BBS9: variants seen among roughly 807,000 people sequenced by gnomAD.
BBS9 encodes the protein Bardet-Biedl syndrome 9.
A neutral mutation model predicts 117.7 loss-of-function variants in BBS9; 89 were observed. The observed-to-expected ratio is 0.76, with a 90% CI of 0.64 to 0.90. The LOEUF (loss-of-function observed/expected upper bound fraction) is 0.90. Among genes scored for constraint, BBS9 ranks in the 40% least tolerant of loss-of-function variants. The pLI, the probability that BBS9 is intolerant of heterozygous loss-of-function variation, is 0.00. For synonymous variants in BBS9, 379 were observed against 370.9 expected (o/e 1.02, Z -0.25); for missense variants, 982 against 1,042.2 (o/e 0.94, Z 0.80).
At chr7:33,297,785 G>A (rs1164070264) in intron 9 of BBS9, among the ~76,000 whole-genome samples, 2 of 152,086 alleles carry the variant, frequency 1.3e-5, no homozygotes, top group African/African-American at 4.8e-5. Flanking sequence ...ATCATGAAAG[G>A]ATGCTTCTCT....
At chr7:33,505,833 T>C in intron 20 of BBS9, 188 bp downstream of exon 20, 1 of 635,248 alleles carries the variant, frequency 1.6e-6, no homozygotes, top group Non-Finnish European at 2.7e-6. Context: ...TGTAGAGCTA[T>C]TTTAAGAATA....
chr7:33,177,414 G>T (rs768926505), intron 4 of BBS9, 64 bp from the exon 5 acceptor site: 1 of 1,077,954 alleles, frequency 9.3e-7, no homozygotes, highest in South Asian at 1.3e-5. Context: ...AGTAGTGGAT[G>T]AGAACAAATT....
At chr7:33,529,223 A>T (rs986735305) in intron 20 of BBS9, among the ~76,000 whole-genome samples, 8 of 152,242 alleles carry the variant, frequency 5.3e-5, no homozygotes, top group Non-Finnish European at 1.2e-4. Context: ...GGCTGGTAAG[A>T]TGTGGAAACA....
chr7:33,331,869 C>A (rs764058953), intron 9 of BBS9, among the ~76,000 whole-genome samples: 18 of 152,060 alleles, frequency 1.2e-4, no homozygotes, highest in Non-Finnish European at 1.9e-4. Flanking sequence ...TGAAAATGAC[C>A]ATAATGCCCA....
chr7:33,497,396 A>G (rs1230266872), intron 19 of BBS9, among the ~76,000 whole-genome samples: 6 of 152,186 alleles, frequency 3.9e-5, no homozygotes, highest in African/African-American at 1.2e-4. Context: ...GGGACACCCA[A>G]TGTGTACCTC....
chr7:33,552,221 T>G (rs977533310), intron 21 of BBS9, among the ~76,000 whole-genome samples: 3 of 152,214 alleles, frequency 2.0e-5, no homozygotes, highest in Admixed American at 1.3e-4. Flanking sequence ...CACTATAATA[T>G]CTGATAGCAG....
intron 19 of BBS9, among the ~76,000 whole-genome samples, chr7:33,443,301 T>C (rs944919497): frequency 3.3e-5 from 5 of 152,168 alleles, no homozygotes; most frequent in African/African-American, 1.2e-4. Flanking sequence ...TGTCTGCTTG[T>C]TCATAAAGAG....
At chr7:33,609,537 T>A (rs372742076), downstream of BBS9, among the ~76,000 whole-genome samples, 2 of 152,268 alleles carry the variant, frequency 1.3e-5, no homozygotes, top group East Asian at 3.9e-4. Context: ...TATGATGAGT[T>A]TGTAATTGTA....
chr7:33,597,069 T>TCACACACACACA (rs58511454), intron 21 of BBS9, among the ~76,000 whole-genome samples: 51 of 138,938 alleles, frequency 3.7e-4, no homozygotes, highest in Non-Finnish European at 7.9e-5. Context: ...TCTCTCTCTG[T>TCACACACACACA]CACACACACA....
intron 20 of BBS9, among the ~76,000 whole-genome samples, chr7:33,516,229 A>G (rs6970957): frequency 0.68 from 103,114 of 151,932 alleles, 37,150 homozygotes; most frequent in East Asian, 0.99. Context: ...GGTGGCTCAC[A>G]CCTGTAATCC....
chr7:33,423,489 G>A (rs1833178052), intron 19 of BBS9, among the ~76,000 whole-genome samples: 1 of 151,854 alleles, frequency 6.6e-6, no homozygotes. Context: ...TGTGCTTCTG[G>A]TAGCAGGGTC....
intron 16 of BBS9, among the ~76,000 whole-genome samples, chr7:33,366,372 AC>A (rs1385510151): frequency 1.3e-5 from 2 of 151,926 alleles, no homozygotes; most frequent in African/African-American, 2.4e-5. Context: ...GCAGCTTCTT[AC>A]ATGGGCCCTT....
At chr7:33,134,373 C>A (rs1445236798) in intron 1 of BBS9, among the ~76,000 whole-genome samples, 1 of 151,534 alleles carries the variant, frequency 6.6e-6, no homozygotes, top group African/African-American at 2.4e-5. Flanking sequence ...CCTTGAGCAT[C>A]TTTTTATGTT....
At chr7:33,592,602 C>T (rs1862114922) in intron 21 of BBS9, among the ~76,000 whole-genome samples, 1 of 152,046 alleles carries the variant, frequency 6.6e-6, no homozygotes, top group South Asian at 2.1e-4. Context: ...ATAAAACAGG[C>T]ACACTCCAGA....
intron 4 of BBS9, among the ~76,000 whole-genome samples, chr7:33,173,080 C>G (rs1796840576): frequency 6.6e-6 from 1 of 152,152 alleles, no homozygotes; most frequent in Non-Finnish European, 1.5e-5. Flanking sequence ...AATTTAGCTA[C>G]TGTTTCTTAA....
chr7:33,433,249 AC>A (rs1324569340), intron 19 of BBS9, among the ~76,000 whole-genome samples: 2 of 152,238 alleles, frequency 1.3e-5, no homozygotes, highest in African/African-American at 4.8e-5. Context: ...TAATGGGTAT[AC>A]ATAGTTACAT....
At chr7:33,391,423 C>A (rs576677343) in intron 19 of BBS9, among the ~76,000 whole-genome samples, 57 of 152,268 alleles carry the variant, frequency 3.7e-4, no homozygotes, top group African/African-American at 1.3e-3. Flanking sequence ...TACACACATG[C>A]ACACATACAC....
chr7:33,336,642 T>C lies in BBS9; in HGVS notation c.1198+20T>C. On this transcript the variant is annotated intron_variant, in intron 10 of 22. Transcript: ENST00000242067. ...CACAAGGTATCTCATTTGCAGCTTTTTATTATTTTAGTATTCATTATGAAA... is the reference window on the plus strand; with the variant it reads ...CACAAGGTATCTCATTTGCAGCTTTCTATTATTTTAGTATTCATTATGAAA... The C allele has an allele frequency of 6.6e-7, 1 of 1,524,666 alleles. No individual in the cohort carries two copies. The highest frequency in any genetic ancestry group is 9.0e-7 in the Non-Finnish European group (1 of 1,107,012). The allele number at this position is 1,524,666 out of a possible 1,614,324, so 94.4% of individuals were successfully genotyped here. A position where few individuals can be genotyped will look rare whatever the true frequency, so the allele number is the denominator to read the frequency against.
chr7:33,503,381 C>T (rs1845713843), intron 19 of BBS9, among the ~76,000 whole-genome samples: 1 of 152,184 alleles, frequency 6.6e-6, no homozygotes, highest in Non-Finnish European at 1.5e-5. Flanking sequence ...ATTGAAGGCA[C>T]TGATACCTGT....
Sources: gnomAD v4.1 joint callset for allele counts (sites outside exome capture counted in the v4.1 genomes callset) on GRCh38, gnomAD v4.1.1 for gene constraint, MANE v1.5 for transcripts, NCBI Gene and HGNC (gene_info 2026-07-23, HGNC 2026-07-21) for gene names.